The following TMEM156 variants were observed in gnomAD, a reference collection of about 807,000 sequenced individuals.
TMEM156 encodes transmembrane protein 156.
Under a neutral mutation model 30.5 loss-of-function variants are expected in TMEM156, and 28 were observed. The observed-to-expected ratio is 0.92, with a 90% CI of 0.68 to 1.26. The LOEUF (loss-of-function observed/expected upper bound fraction) is 1.26, where lower values mean the gene tolerates loss of function less well. Ranked by LOEUF, TMEM156 falls within the 50% of genes most tolerant of loss-of-function variation. TMEM156 has a pLI of 0.00. For synonymous variants in TMEM156, 137 were observed against 119.9 expected (o/e 1.14, Z -0.93); for missense variants, 351 against 340.6 (o/e 1.03, Z -0.24).
chr4:38,977,771 C>G (rs557389477), intron 5 of TMEM156, among the ~76,000 whole-genome samples: 4 of 152,266 alleles, frequency 2.6e-5, no homozygotes, highest in Admixed American at 6.5e-5. Flanking sequence ...AAATCCCAGT[C>G]TGAATTTTGA....
intron 1 of TMEM156, among the ~76,000 whole-genome samples, chr4:39,009,448 A>G (rs1194864422): frequency 1.3e-5 from 2 of 152,190 alleles, no homozygotes; most frequent in African/African-American, 4.8e-5. Flanking sequence ...CAACAAAAAA[A>G]GGAAACTATA....
intron 1 of TMEM156, among the ~76,000 whole-genome samples, chr4:39,001,939 A>C (rs1713392504): frequency 7.0e-6 from 1 of 142,468 alleles, no homozygotes; most frequent in South Asian, 2.4e-4. Context: ...CCTAGAAGAA[A>C]ACCTAGGCTT....
Position 39,007,236 on chromosome 4 carries a change from G to A in TMEM156, c.89-8327C>T, listed in dbSNP as rs189820998. On this transcript the variant is annotated intron_variant, in intron 1 of 6. Coordinates refer to ENST00000381938, the MANE Select transcript of TMEM156 (RefSeq NM_024943.3). ...CTTATATCTGAGAGGAAAAAGTCCCGTCGCCTTGTTATTTTTCTTCAGAAG... is the reference window on the plus strand; with the variant it reads ...CTTATATCTGAGAGGAAAAAGTCCCATCGCCTTGTTATTTTTCTTCAGAAG... Among the ~76,000 whole-genome samples the A allele has an allele frequency of 4.7e-3, 711 of 152,012 alleles. 12 individuals carry two copies. The highest frequency in any genetic ancestry group is 3.9e-3 in the Non-Finnish European group (264 of 67,984).
At chr4:38,997,907 G>A (rs185892582) in intron 2 of TMEM156, among the ~76,000 whole-genome samples, 2 of 152,292 alleles carry the variant, frequency 1.3e-5, no homozygotes, top group Admixed American at 1.3e-4. Context: ...GAGAGTCAGA[G>A]AAGTAAAAAG....
At chr4:38,972,242 A>ATTTTTTTTTTTTTTT (rs144479056) in intron 5 of TMEM156, among the ~76,000 whole-genome samples, 1 of 75,858 alleles carries the variant, frequency 1.3e-5, no homozygotes, top group Non-Finnish European at 2.3e-5. Flanking sequence ...TTCTCTGGGA[A>ATTTTTTTTTTTTTTT]TTTTTTTTTT....
chr4:39,030,688 A>G (rs928566201), intron 1 of TMEM156, among the ~76,000 whole-genome samples: 63 of 152,320 alleles, frequency 4.1e-4, no homozygotes, highest in African/African-American at 1.5e-3. Flanking sequence ...CCTGGTTTTT[A>G]TTAGATCCAA....
intron 2 of TMEM156, among the ~76,000 whole-genome samples, chr4:38,997,666 C>A (rs917659223): frequency 4.6e-5 from 7 of 152,250 alleles, no homozygotes; most frequent in Admixed American, 3.3e-4. Flanking sequence ...TATTTAATTT[C>A]TCAATGATCC....
At chr4:38,968,707 C>A (rs369497181) in intron 6 of TMEM156, among the ~76,000 whole-genome samples, 1 of 152,196 alleles carries the variant, frequency 6.6e-6, no homozygotes, top group African/African-American at 2.4e-5. Context: ...CAACAGCAGA[C>A]CCTGGTTGCA....
chr4:38,984,345 C>CTGTGTG (rs770530490), intron 5 of TMEM156, among the ~76,000 whole-genome samples: 1,236 of 114,856 alleles, frequency 0.011, 17 homozygotes, highest in Non-Finnish European at 0.013. Flanking sequence ...CTCTCTCTCT[C>CTGTGTG]TCTCTGTGTG....
At chr4:38,994,533 A>C in intron 2 of TMEM156, among the ~76,000 whole-genome samples, 1 of 152,200 alleles carries the variant, frequency 6.6e-6, no homozygotes, top group East Asian at 1.9e-4. Flanking sequence ...ACATTTCCCC[A>C]GTGACTTGTG....
At chr4:39,000,949 A>G (rs552269886) in intron 1 of TMEM156, among the ~76,000 whole-genome samples, 2 of 152,296 alleles carry the variant, frequency 1.3e-5, no homozygotes, top group East Asian at 1.9e-4. Flanking sequence ...TTTTAAATTC[A>G]TCTTTCCTTT....
rs1159565890 is a variant in TMEM156 at position 39,017,171 on chromosome 4, C to CT, written c.88+15054dup. On this transcript the variant is annotated intron_variant, in intron 1 of 6. Transcript: ENST00000381938. Reference sequence around the variant, plus strand: ...AAACCATATCAAGTATGTATTTCTTCTTTTTTTTTTTTTTTTTTTTTGAGA... The same window carrying CT: ...AAACCATATCAAGTATGTATTTCTTCTTTTTTTTTTTTTTTTTTTTTTGAGA... Among the ~76,000 whole-genome samples, 246 of 91,278 alleles carry CT rather than the reference C, an allele frequency of 2.7e-3. 7 individuals carry two copies. Among genetic ancestry groups the CT allele is most frequent in the Middle Eastern group, 9.6e-3 (1 of 104 alleles). The allele number at this position is 91,278 out of a possible 152,430, so 59.9% of individuals were successfully genotyped here. A position where few individuals can be genotyped will look rare whatever the true frequency, so the allele number is the denominator to read the frequency against.
chr4:38,986,524 C>A, intron 4 of TMEM156, 105 bp from the exon 5 acceptor site: 2 of 823,876 alleles, frequency 2.4e-6, no homozygotes, highest in South Asian at 1.5e-5. Context: ...TGGAGCCATT[C>A]ATGGCCAGGC....
At chr4:39,021,035 A>T (rs991235357) in intron 1 of TMEM156, among the ~76,000 whole-genome samples, 1 of 152,148 alleles carries the variant, frequency 6.6e-6, no homozygotes, top group African/African-American at 2.4e-5. Flanking sequence ...ATAAAATTTC[A>T]ATTTGTATTT....
Position 38,966,821 on chromosome 4 carries a change from T to TTTTTTG in TMEM156, c.*858_*859insCAAAAA, listed in dbSNP as rs397879320. Reference sequence around the variant, plus strand: ...TTTGATTTTTTTTTTTTTTTTTTTTTGAGACAGAGTCTTGCTCTGCACCAG... The same window carrying TTTTTTG: ...TTTGATTTTTTTTTTTTTTTTTTTTTTTTTTGGAGACAGAGTCTTGCTCTGCACCAG... On this transcript the variant is annotated 3_prime_UTR_variant, in exon 7 of 7. Transcript: ENST00000381938. The TTTTTTG allele has an allele frequency of 6.9e-6, 1 of 145,598 alleles. No homozygotes were observed. The highest frequency in any genetic ancestry group is 2.7e-5 in the African/African-American group (1 of 37,548). The allele number at this position is 145,598 out of a possible 1,614,324, so 9.0% of individuals were successfully genotyped here.
intron 3 of TMEM156, among the ~76,000 whole-genome samples, chr4:38,992,671 TATATA>T (rs1712552445): frequency 1.7e-5 from 1 of 58,638 alleles, no homozygotes; most frequent in South Asian, 6.7e-4. Flanking sequence ...GCTACATATA[TATATA>T]ATATATTATA....
chr4:39,007,066 C>T (rs7663335), intron 1 of TMEM156, among the ~76,000 whole-genome samples: 102,775 of 152,078 alleles, frequency 0.68, 35,207 homozygotes, highest in South Asian at 0.82. Context: ...GTCTATCTTT[C>T]CTTATCTGTA....
intron 1 of TMEM156, among the ~76,000 whole-genome samples, chr4:39,002,594 T>C (rs1560374506): frequency 6.9e-6 from 1 of 144,334 alleles, no homozygotes; most frequent in Non-Finnish European, 1.5e-5. Context: ...CGTATGTTTA[T>C]TGAGGCATTA....
chr4:38,969,752 C>G (rs1722508828), intron 6 of TMEM156, among the ~76,000 whole-genome samples: 1 of 152,134 alleles, frequency 6.6e-6, no homozygotes, highest in African/African-American at 2.4e-5. Context: ...GTCACCACGC[C>G]TGGCTAATTT....
Sources: gnomAD v4.1 joint callset for allele counts (sites outside exome capture counted in the v4.1 genomes callset) on GRCh38, gnomAD v4.1.1 for gene constraint, MANE v1.5 for transcripts, NCBI Gene and HGNC (gene_info 2026-07-23, HGNC 2026-07-21) for gene names.